The following GALNT18 variants were observed in gnomAD, a reference collection of about 807,000 sequenced individuals.
GALNT18 encodes the protein GalNAc-transferase 18.
Under a neutral mutation model 69.5 loss-of-function variants are expected in GALNT18, and 44 were observed. The ratio of observed to expected loss-of-function variants is 0.63; its 90% CI spans 0.50 to 0.81. The LOEUF (loss-of-function observed/expected upper bound fraction) is 0.81. GALNT18 is among the 40% of genes least tolerant of loss of function. GALNT18 has a pLI of 0.00. For missense variants in GALNT18, 715 were observed against 810.0 expected, an observed-to-expected ratio of 0.88 and a Z score of 1.42; for synonymous variants, 364 against 318.2, an observed-to-expected ratio of 1.14 and a Z score of -1.53.
At chr11:11,520,077 C>G (rs1329828113) in intron 1 of GALNT18, among the ~76,000 whole-genome samples, 1 of 152,218 alleles carries the variant, frequency 6.6e-6, no homozygotes, top group Non-Finnish European at 1.5e-5. Context: ...CCTTCCTCCC[C>G]TGTGGGTAGG....
rs150904735 is a variant in GALNT18, at chr11:11,490,163, T to C, written c.236-41227A>G. On this transcript the variant is annotated intron_variant, in intron 1 of 10. Coordinates refer to ENST00000227756, the MANE Select transcript of GALNT18 (RefSeq NM_198516.3). ...TCCATTATCATGGGAGTGGGTTTCT[T>C]ATAAAAGGGCAAGTTTGGCCTCTTC... 1.5e-3 allele frequency among the ~76,000 whole-genome samples: 224 copies of C among 151,938 alleles called. 2 individuals are homozygous for C. The highest frequency in any genetic ancestry group is 5.1e-3 in the African/African-American group (210 of 41,428).
chr11:11,456,963 G>C (rs1376643742), intron 1 of GALNT18, among the ~76,000 whole-genome samples: 1 of 152,194 alleles, frequency 6.6e-6, no homozygotes, highest in African/African-American at 2.4e-5. Context: ...AGTGGGGCAG[G>C]AAATAGCTTG....
At chr11:11,292,043 AG>A (rs951874381) in intron 10 of GALNT18, among the ~76,000 whole-genome samples, 9 of 152,146 alleles carry the variant, frequency 5.9e-5, no homozygotes, top group Non-Finnish European at 1.0e-4. Flanking sequence ...CATCCTCACC[AG>A]GGGAGAAGCA....
At chr11:11,589,799 T>G (rs1859312383) in intron 1 of GALNT18, among the ~76,000 whole-genome samples, 1 of 151,888 alleles carries the variant, frequency 6.6e-6, no homozygotes. Context: ...CAACCTACTC[T>G]CAAATTTGTA....
At chr11:11,557,814 T>C (rs1858368706) in intron 1 of GALNT18, among the ~76,000 whole-genome samples, 1 of 152,228 alleles carries the variant, frequency 6.6e-6, no homozygotes, top group African/African-American at 2.4e-5. Flanking sequence ...CTCATTACCA[T>C]CTAGCCACCA....
Position 11,467,155 on chromosome 11 carries a change from C to T in GALNT18, c.236-18219G>A, listed in dbSNP as rs576653018. Among the ~76,000 whole-genome samples the T allele has an allele frequency of 2.8e-4, 42 of 152,238 alleles. 2 individuals carry two copies. The South Asian group carries it at 5.6e-3, about 20-fold the overall frequency. ...GATAGACATCACCGTGTGTGCCCAC[C>T]GGCTGCATATGCTATGTGTGCCCAC... On this transcript the variant is annotated intron_variant, in intron 1 of 10. Transcript: ENST00000227756.
At chr11:11,419,624 AAAG>A (rs1854951552) in intron 3 of GALNT18, among the ~76,000 whole-genome samples, 2 of 145,966 alleles carry the variant, frequency 1.4e-5, no homozygotes, top group African/African-American at 5.1e-5. Context: ...AAAAAAAAAG[AAAG>A]AAGGAAAAGA....
intron 10 of GALNT18, among the ~76,000 whole-genome samples, chr11:11,288,304 T>C (rs1206257611): frequency 6.6e-6 from 1 of 152,158 alleles, no homozygotes; most frequent in Non-Finnish European, 1.5e-5. Context: ...ACTACTAAAA[T>C]ATGCTCAGCT....
intron 2 of GALNT18, among the ~76,000 whole-genome samples, chr11:11,447,998 G>A (rs1174562438): frequency 6.6e-6 from 1 of 152,124 alleles, no homozygotes; most frequent in Non-Finnish European, 1.5e-5. Context: ...GGTTCTCCCT[G>A]AGCCACAAAT....
In GALNT18 at chr11:11,591,520, G is replaced by A. The variant is rs1859361149; in HGVS notation, c.235+29839C>T. ...CCTTCCAATTTTATAGGCAAGTGGG[G>A]AGGGAGACCATAACAGCCTCCATTT... On this transcript the variant is annotated intron_variant, in intron 1 of 10. Transcript: ENST00000227756. The surrounding 1 kb of genome is among the most constrained non-coding windows in gnomAD (Gnocchi z 4.8). Among the ~76,000 whole-genome samples the A allele has an allele frequency of 6.6e-6, 1 of 152,122 alleles. No individual in the cohort carries two copies. Among genetic ancestry groups the A allele is most frequent in the East Asian group, 1.9e-4 (1 of 5,194 alleles).
intron 9 of GALNT18, among the ~76,000 whole-genome samples, chr11:11,304,240 A>G (rs903056934): frequency 6.6e-6 from 1 of 152,200 alleles, no homozygotes; most frequent in Non-Finnish European, 1.5e-5. Flanking sequence ...CTGAGTCTAT[A>G]AAAAGGAATC....
At chr11:11,410,235 A>G (rs1854696689) in intron 3 of GALNT18, among the ~76,000 whole-genome samples, 1 of 152,098 alleles carries the variant, frequency 6.6e-6, no homozygotes, top group Non-Finnish European at 1.5e-5. Context: ...TGCTGTTTCT[A>G]GCCCCAGGGT....
chr11:11,587,474 T>A lies in GALNT18; in HGVS notation c.235+33885A>T, dbSNP rs1267600064. ...TTTTCTGCAGGTTGCTAATGAGCAG[T>A]GAGCATATCCAAAGCCTCGATCTAG... On this transcript the variant is annotated intron_variant, in intron 1 of 10. Coordinates refer to ENST00000227756, the MANE Select transcript of GALNT18 (RefSeq NM_198516.3). The surrounding 1 kb of genome is among the most constrained non-coding windows in gnomAD (Gnocchi z 4.4). 6.6e-6 allele frequency among the ~76,000 whole-genome samples: 1 copy of A among 152,194 alleles called. No individual in the cohort carries two copies. Among genetic ancestry groups the A allele is most frequent in the African/African-American group, 2.4e-5 (1 of 41,442 alleles).
intron 3 of GALNT18, among the ~76,000 whole-genome samples, chr11:11,422,709 G>A (rs1334572560): frequency 6.6e-6 from 1 of 151,752 alleles, no homozygotes; most frequent in African/African-American, 2.4e-5. Context: ...CTCTTGTGTA[G>A]GACAGAATCT....
chr11:11,404,915 T>A lies in GALNT18; in HGVS notation c.596-25651A>T, dbSNP rs1854555277. On this transcript the variant is annotated intron_variant, in intron 3 of 10. Transcript: ENST00000227756. The surrounding 1 kb of genome is among the most constrained non-coding windows in gnomAD (Gnocchi z 4.5). The stretch of plus-strand genomic sequence containing the variant: ...AGCCCATGGCCACCCAGGCCAATCA[T>A]GTTTCCTAGAGCAGAGCATGAAAGG... 6.6e-6 allele frequency among the ~76,000 whole-genome samples: 1 copy of A among 152,118 alleles called. No individual in the cohort carries two copies. The highest frequency in any genetic ancestry group is 2.1e-4 in the South Asian group (1 of 4,824).
intron 1 of GALNT18, among the ~76,000 whole-genome samples, chr11:11,520,597 T>C (rs958072045): frequency 1.3e-5 from 2 of 151,892 alleles, no homozygotes; most frequent in African/African-American, 4.8e-5. Context: ...GCCTCTGAGG[T>C]AGAGAAGGGC....
At chr11:11,333,090 GAAA>G (rs5789678) in intron 7 of GALNT18, among the ~76,000 whole-genome samples, 1 of 141,388 alleles carries the variant, frequency 7.1e-6, no homozygotes. Context: ...AATCCTTAAA[GAAA>G]AAAAAAAAAA....
At position 11,543,313 on chromosome 11, in the gene GALNT18, T is replaced by C. The variant is rs1441437304; in HGVS notation, c.235+78046A>G. On this transcript the variant is annotated intron_variant, in intron 1 of 10. Transcript: ENST00000227756. The surrounding 1 kb of genome is among the most constrained non-coding windows in gnomAD (Gnocchi z 5.1). ...TAGAATTTGTGGCCTAGGTGTCCAC[T>C]GTCTTAGCTTCATTCTCTCATGGCA... Among the ~76,000 whole-genome samples the C allele has an allele frequency of 6.6e-6, 1 of 152,234 alleles. No individual in the cohort carries two copies. The highest frequency in any genetic ancestry group is 6.5e-5 in the Admixed American group (1 of 15,286).
At position 11,583,724 on chromosome 11, in the gene GALNT18, T is replaced by C. The variant is rs1455531684; in HGVS notation, c.235+37635A>G. ...TGACCACATACGTGGTCAGGGAAAA[T>C]GCTTAAAGCTTCAGCTCCTTTCAGA... On this transcript the variant is annotated intron_variant, in intron 1 of 10. Coordinates refer to ENST00000227756, the MANE Select transcript of GALNT18 (RefSeq NM_198516.3). This position sits in a 1 kb window ranked among gnomAD's most constrained non-coding sequence, Gnocchi z 4.7. 6.6e-6 allele frequency among the ~76,000 whole-genome samples: 1 copy of C among 152,006 alleles called. No homozygotes were observed.
Sources: allele counts gnomAD v4.1 joint callset (sites outside exome capture counted in the v4.1 genomes callset), GRCh38; gene constraint gnomAD v4.1.1; non-coding constraint Gnocchi (gnomAD v3.1); transcripts MANE v1.5; gene names NCBI Gene and HGNC (gene_info 2026-07-23, HGNC 2026-07-21).